Variants in LTBP1 observed in about 807,000 individuals in gnomAD.
LTBP1 encodes latent transforming growth factor beta binding protein 1, also known as latent-transforming growth factor beta-binding protein 1.
In LTBP1, 129 loss-of-function variants were observed where a neutral mutation model predicts 207.6. That is an observed-to-expected ratio of 0.62 (90% CI 0.54 to 0.72). LTBP1 has a LOEUF of 0.72. LTBP1 is among the 30% of genes least tolerant of loss of function. The probability of loss-of-function intolerance (pLI) is 0.00; values close to 1 mark genes in which losing one functional copy is unlikely to be tolerated. For synonymous variants in LTBP1, 963 were observed against 833.7 expected (o/e 1.16, Z -2.67); for missense variants, 2,281 against 2,217.2 (o/e 1.03, Z -0.58).
intron 2 of LTBP1, 78 bp downstream of exon 2, chr2:32,949,023 G>C (rs1676704642): frequency 7.0e-7 from 1 of 1,420,230 alleles, no homozygotes; most frequent in African/African-American, 1.4e-5. Flanking sequence ...ATCTCACAAG[G>C]GCCACTTGAA....
chr2:33,351,243 T>C (rs2094777525), intron 26 of LTBP1, among the ~76,000 whole-genome samples: 1 of 152,184 alleles, frequency 6.6e-6, no homozygotes, highest in Non-Finnish European at 1.5e-5. Flanking sequence ...CAGCTCAACT[T>C]TTTTATTTAT....
chr2:32,949,012 CA>C, intron 2 of LTBP1, 67 bp downstream of exon 2: 3 of 1,498,314 alleles, frequency 2.0e-6, no homozygotes, highest in Non-Finnish European at 2.8e-6. Flanking sequence ...CACATGGGGG[CA>C]TCTCACAAGG....
chr2:33,210,841 T>C (rs2090257148), intron 7 of LTBP1, among the ~76,000 whole-genome samples: 1 of 152,230 alleles, frequency 6.6e-6, no homozygotes. Flanking sequence ...AGTAGAGCCA[T>C]TGAGTCACTT....
chr2:33,312,918 C>A (rs1270100549), intron 23 of LTBP1, among the ~76,000 whole-genome samples: 1 of 152,086 alleles, frequency 6.6e-6, no homozygotes, highest in Non-Finnish European at 1.5e-5. Flanking sequence ...TGAGCTTGAT[C>A]CCCAAGCCAG....
At chr2:33,027,896 G>T (rs1467908469) in intron 3 of LTBP1, among the ~76,000 whole-genome samples, 1 of 152,144 alleles carries the variant, frequency 6.6e-6, no homozygotes, top group Non-Finnish European at 1.5e-5. Flanking sequence ...AAGCCCAACT[G>T]GATATAGCAG....
At chr2:33,393,234 CTTTTTTTTTT>C (rs569734292) in intron 32 of LTBP1, among the ~76,000 whole-genome samples, 4 of 48,770 alleles carry the variant, frequency 8.2e-5, no homozygotes, top group South Asian at 1.2e-3. Flanking sequence ...CCTTCTTCTT[CTTTTTTTTTT>C]TTTTTTTTTT....
chr2:33,358,005 C>G (rs1395389541), intron 26 of LTBP1, among the ~76,000 whole-genome samples: 1 of 152,058 alleles, frequency 6.6e-6, no homozygotes, highest in Non-Finnish European at 1.5e-5. Flanking sequence ...AGAGTTTTAT[C>G]CCAATAGAAA....
At chr2:33,028,424 C>CT (rs774755348) in intron 3 of LTBP1, among the ~76,000 whole-genome samples, 58 of 152,122 alleles carry the variant, frequency 3.8e-4, no homozygotes, top group Non-Finnish European at 7.2e-4. Flanking sequence ...AATCCCTGCA[C>CT]TTTGGGAGGC....
At chr2:33,127,366 C>G (rs1199614510) in intron 4 of LTBP1, among the ~76,000 whole-genome samples, 1 of 152,126 alleles carries the variant, frequency 6.6e-6, no homozygotes, top group East Asian at 1.9e-4. Flanking sequence ...GCATTCAACT[C>G]CTTTAAAGTT....
chr2:33,256,241 G>T (rs780237733), intron 11 of LTBP1, among the ~76,000 whole-genome samples: 8 of 151,988 alleles, frequency 5.3e-5, no homozygotes, highest in Non-Finnish European at 1.2e-4. Context: ...GCTGCATCTT[G>T]ATTTGGCATT....
At chr2:32,958,049 T>G (rs1394025830) in intron 2 of LTBP1, among the ~76,000 whole-genome samples, 1 of 152,198 alleles carries the variant, frequency 6.6e-6, no homozygotes, top group Non-Finnish European at 1.5e-5. Context: ...GGTCTCAGTT[T>G]GGTTTGTCCT....
chr2:33,144,683 A>G (rs1004011388), intron 5 of LTBP1, among the ~76,000 whole-genome samples: 1 of 152,188 alleles, frequency 6.6e-6, no homozygotes, highest in South Asian at 2.1e-4. Flanking sequence ...CTTAAAATAG[A>G]TATTTGTAAT....
chr2:33,332,416 A>G (rs1237063987), intron 24 of LTBP1, among the ~76,000 whole-genome samples: 1 of 150,094 alleles, frequency 6.7e-6, no homozygotes, highest in East Asian at 1.9e-4. Flanking sequence ...AGAGACAGAG[A>G]CACTCTCATT....
At chr2:33,397,106 A>T in intron 32 of LTBP1, 27 bp from the exon 33 acceptor site, 1 of 1,607,250 alleles carries the variant, frequency 6.2e-7, no homozygotes, top group Non-Finnish European at 8.5e-7. Flanking sequence ...AGAAGCTCTA[A>T]CTTAGCTTCT....
chr2:33,224,613 A>G (rs1279806660), intron 9 of LTBP1, among the ~76,000 whole-genome samples: 1 of 152,204 alleles, frequency 6.6e-6, no homozygotes, highest in African/African-American at 2.4e-5. Context: ...TAATAGCTAT[A>G]CTATTATTCA....
chr2:33,079,989 T>G (rs543102123), intron 3 of LTBP1, among the ~76,000 whole-genome samples: 1 of 152,272 alleles, frequency 6.6e-6, no homozygotes, highest in African/African-American at 2.4e-5. Context: ...GTAAATGATA[T>G]TACTGTGTTA....
chr2:33,064,193 A>G (rs1299984472), intron 3 of LTBP1, among the ~76,000 whole-genome samples: 2 of 152,230 alleles, frequency 1.3e-5, no homozygotes, highest in East Asian at 3.8e-4. Context: ...TAAATGTAAT[A>G]TAACTTTAAA....
rs751530250 is a variant in LTBP1, at chr2:33,293,271, A to T, written c.3224A>T (p.Lys1075Met). The change falls in exon 20 of 34, where the codon AAG becomes ATG. Residue 1075 changes from lysine to methionine, a missense_variant. Physicochemically the swap from Lys to Met is moderately conservative, Grantham distance 95. This residue lies in a region of LTBP1 where 1,671 missense variants were observed against 1,634.8 expected (regional missense o/e 1.02). Coordinates refer to ENST00000404816, the MANE Select transcript of LTBP1 (RefSeq NM_206943.4). ...HKGYTRTPDH[K>M]HCRDIDECQQ... The stretch of plus-strand genomic sequence containing the variant: ...GGCTATACCCGGACTCCGGACCACA[A>T]GCACTGTAGAGGTAAATACTGTGAT... 1.2e-6 allele frequency: 2 copies of T among 1,612,584 alleles called. No homozygotes were observed. Among genetic ancestry groups the T allele is most frequent in the Non-Finnish European group, 8.5e-7 (1 of 1,179,672 alleles).
chr2:33,066,717 A>G (rs1483239160), intron 3 of LTBP1, among the ~76,000 whole-genome samples: 1 of 152,234 alleles, frequency 6.6e-6, no homozygotes, highest in Non-Finnish European at 1.5e-5. Flanking sequence ...TTTAAAATCA[A>G]ATGTTTCATT....
Sources: gnomAD v4.1 joint callset for allele counts (sites outside exome capture counted in the v4.1 genomes callset) on GRCh38, gnomAD v4.1.1 for gene constraint, gnomAD v4.1.1 regional missense constraint, MANE v1.5 for transcripts, NCBI Gene and HGNC (gene_info 2026-07-23, HGNC 2026-07-21) for gene names.